REDIC1: variants seen among roughly 807,000 people sequenced by gnomAD.
REDIC1 encodes the protein HEI10 Interacting Protein 1.
chr12:39,827,632 G>A, the REDIC1 span, among the ~76,000 whole-genome samples: 27 of 152,126 alleles, frequency 1.8e-4, no homozygotes, highest in African/African-American at 5.5e-4. Flanking sequence ...ATGGGCAGGA[G>A]GAGATTTTCC....
At chr12:39,894,092 C>T in the REDIC1 span, among the ~76,000 whole-genome samples, 1 of 152,130 alleles carries the variant, frequency 6.6e-6, no homozygotes, top group Non-Finnish European at 1.5e-5. Context: ...TTTTTGCAAA[C>T]ATTTAGTAAA....
At chr12:39,721,072 G>T in the REDIC1 span, 5 of 1,613,766 alleles carry the variant, frequency 3.1e-6, no homozygotes, top group Non-Finnish European at 3.4e-6. Flanking sequence ...AAGGTGTGAT[G>T]CAGGGATACA....
At chr12:39,822,415 T>C in the REDIC1 span, among the ~76,000 whole-genome samples, 1 of 152,160 alleles carries the variant, frequency 6.6e-6, no homozygotes, top group East Asian at 1.9e-4. Flanking sequence ...AATTAAAATA[T>C]CTAAATAAGG....
chr12:39,635,250 C>T, the REDIC1 span, among the ~76,000 whole-genome samples: 2 of 152,122 alleles, frequency 1.3e-5, no homozygotes, highest in African/African-American at 4.8e-5. Flanking sequence ...CCTCAAGGAT[C>T]TAGAACTAGA....
chr12:39,803,192 A>G, the REDIC1 span, among the ~76,000 whole-genome samples: 1 of 150,904 alleles, frequency 6.6e-6, no homozygotes. Flanking sequence ...TGGCATCTAA[A>G]AGAAGCAAAT....
chr12:39,765,972 G>A, the REDIC1 span, among the ~76,000 whole-genome samples: 7 of 152,126 alleles, frequency 4.6e-5, no homozygotes, highest in East Asian at 3.9e-4. Context: ...GTGAAAACAC[G>A]CAGTGTGTGG....
the REDIC1 span, among the ~76,000 whole-genome samples, chr12:39,831,185 G>T: frequency 6.6e-6 from 1 of 152,148 alleles, no homozygotes; most frequent in East Asian, 1.9e-4. Flanking sequence ...ATGAGAAACA[G>T]ATGAACAACG....
chr12:39,717,244 T>G, the REDIC1 span, among the ~76,000 whole-genome samples: 1 of 151,566 alleles, frequency 6.6e-6, no homozygotes, highest in East Asian at 1.9e-4. Flanking sequence ...GAAATCTGAA[T>G]AAAAGGTTTG....
chr12:39,678,343 T>C, the REDIC1 span, among the ~76,000 whole-genome samples: 2 of 151,888 alleles, frequency 1.3e-5, no homozygotes, highest in Admixed American at 6.6e-5. Context: ...CTACAGGAGA[T>C]TGATAAATTC....
At chr12:39,671,953 T>G in the REDIC1 span, among the ~76,000 whole-genome samples, 2 of 152,116 alleles carry the variant, frequency 1.3e-5, no homozygotes, top group African/African-American at 4.8e-5. Context: ...CCAGGAGGTA[T>G]GCTTGGGCAG....
At chr12:39,804,543 T>TTATTC in the REDIC1 span, among the ~76,000 whole-genome samples, 3 of 152,194 alleles carry the variant, frequency 2.0e-5, no homozygotes, top group Non-Finnish European at 4.4e-5. Context: ...ATTTCTTAGC[T>TTATTC]TGTAGCTTAT....
chr12:39,908,064 A>G, the REDIC1 span: 3 of 152,150 alleles, frequency 2.0e-5, no homozygotes, highest in East Asian at 5.8e-4. Flanking sequence ...ATCTATTACC[A>G]GGATCGGAGA....
the REDIC1 span, among the ~76,000 whole-genome samples, chr12:39,701,972 C>T: frequency 6.6e-6 from 1 of 151,854 alleles, no homozygotes; most frequent in African/African-American, 2.4e-5. Context: ...CACTAAATGC[C>T]CACAAGAGAA....
the REDIC1 span, among the ~76,000 whole-genome samples, chr12:39,665,531 G>C: frequency 5.3e-5 from 8 of 149,896 alleles, no homozygotes; most frequent in East Asian, 5.8e-4. Flanking sequence ...TGTTCTTTTG[G>C]CTTAGGATTG....
At chr12:39,744,050 T>C in the REDIC1 span, among the ~76,000 whole-genome samples, 1 of 151,992 alleles carries the variant, frequency 6.6e-6, no homozygotes, top group Non-Finnish European at 1.5e-5. Flanking sequence ...AGGCATATCA[T>C]AGTCAAAATA....
At chr12:39,871,833 A>G in the REDIC1 span, 8 of 1,612,000 alleles carry the variant, frequency 5.0e-6, no homozygotes, top group East Asian at 1.8e-4. Context: ...TCTGCGGCCC[A>G]CCTTCTCAAC....
At chr12:39,830,342 C>A in the REDIC1 span, 30 of 1,469,824 alleles carry the variant, frequency 2.0e-5, no homozygotes, top group Admixed American at 6.4e-4. Flanking sequence ...AAGCTTGGGG[C>A]CTTGGGACTT....
the REDIC1 span, among the ~76,000 whole-genome samples, chr12:39,852,943 GTATT>G: frequency 3.3e-5 from 5 of 152,192 alleles, no homozygotes; most frequent in East Asian, 9.6e-4. Flanking sequence ...CCTCTAGAGA[GTATT>G]TAAACCCAGA....
At chr12:39,890,809 C>A in the REDIC1 span, among the ~76,000 whole-genome samples, 1 of 151,836 alleles carries the variant, frequency 6.6e-6, no homozygotes, top group African/African-American at 2.4e-5. Flanking sequence ...TATGGCTGAC[C>A]CATACAATAA....
Sources: gnomAD v4.1 joint callset for allele counts (sites outside exome capture counted in the v4.1 genomes callset) on GRCh38, gnomAD v4.1.1 for gene constraint, MANE v1.5 for transcripts, NCBI Gene and HGNC (gene_info 2026-07-23, HGNC 2026-07-21) for gene names.